The following MYO1H variants were observed in gnomAD, a reference collection of about 807,000 sequenced individuals.
MYO1H encodes myosin IH.
MYO1H carries 118 observed loss-of-function variants against 149.3 expected under a neutral mutation model. The ratio of observed to expected loss-of-function variants is 0.79; its 90% CI spans 0.68 to 0.92. The LOEUF is 0.92. Among genes scored for constraint, MYO1H ranks in the 40% least tolerant of loss-of-function variants. The pLI is 0.00. For synonymous variants in MYO1H, 447 were observed against 465.2 expected (o/e 0.96, Z 0.50); for missense variants, 1,212 against 1,280.7 (o/e 0.95, Z 0.82).
chr12:109,388,755 G>A, exon 2 of MYO1H: 1 of 1,612,972 alleles, frequency 6.2e-7, no homozygotes, highest in Non-Finnish European at 8.5e-7. Context: ...CAAGGTCGGG[G>A]TTCAGGATTT....
chr12:109,391,890 T>C (rs774454698), intron 2 of MYO1H, among the ~76,000 whole-genome samples: 7 of 152,230 alleles, frequency 4.6e-5, no homozygotes, highest in Non-Finnish European at 7.3e-5. Flanking sequence ...TTTATTTTCC[T>C]TTGCCCACTT....
At chr12:109,399,576 A>T (rs984854227) in intron 5 of MYO1H, among the ~76,000 whole-genome samples, 9 of 126,222 alleles carry the variant, frequency 7.1e-5, no homozygotes, top group Admixed American at 6.1e-4. Flanking sequence ...TGAGCAAGAG[A>T]GTGAGACTCT....
At chr12:109,438,313 C>G (rs1270580584) in intron 22 of MYO1H, among the ~76,000 whole-genome samples, 1 of 152,082 alleles carries the variant, frequency 6.6e-6, no homozygotes, top group Non-Finnish European at 1.5e-5. Context: ...TCCCTAGAAA[C>G]CTTCCATAGC....
At chr12:109,396,301 C>T (rs1869901318) in intron 3 of MYO1H, 83 bp from the exon 4 acceptor site, 4 of 1,166,432 alleles carry the variant, frequency 3.4e-6, no homozygotes, top group Non-Finnish European at 4.8e-6. Flanking sequence ...AGATGGAGCA[C>T]CTCATTTTTC....
intron 10 of MYO1H, among the ~76,000 whole-genome samples, chr12:109,408,375 A>G (rs1312205435): frequency 6.6e-6 from 1 of 151,988 alleles, no homozygotes; most frequent in Non-Finnish European, 1.5e-5. Flanking sequence ...AGGTCTTGCT[A>G]TGTTGTCCAG....
intron 23 of MYO1H, among the ~76,000 whole-genome samples, 152 bp downstream of exon 23, chr12:109,438,772 C>T (rs903037656): frequency 1.3e-5 from 2 of 152,106 alleles, no homozygotes; most frequent in Non-Finnish European, 2.9e-5. Context: ...CAGGTCCATC[C>T]CTTTGCTCTG....
At chr12:109,345,190 G>A (rs888950259), upstream of MYO1H, among the ~76,000 whole-genome samples, 1 of 152,134 alleles carries the variant, frequency 6.6e-6, no homozygotes, top group Non-Finnish European at 1.5e-5. Flanking sequence ...GAAAATATTT[G>A]CAAATCATAT....
At chr12:109,411,045 A>G (rs1013227004) in intron 13 of MYO1H, among the ~76,000 whole-genome samples, 5 of 152,140 alleles carry the variant, frequency 3.3e-5, no homozygotes, top group Non-Finnish European at 7.4e-5. Context: ...GGGAGGCTGA[A>G]ACAGGAGAAT....
chr12:109,349,497 C>CCAAAA (rs150233595), intron 1 of MYO1H, among the ~76,000 whole-genome samples: 2 of 144,428 alleles, frequency 1.4e-5, no homozygotes, highest in Non-Finnish European at 1.5e-5. Context: ...ACCCCCCCAC[C>CCAAAA]AAAAAAATTA....
At chr12:109,364,735 CT>C (rs900437060) in intron 1 of MYO1H, among the ~76,000 whole-genome samples, 35 of 152,246 alleles carry the variant, frequency 2.3e-4, no homozygotes, top group African/African-American at 8.2e-4. Flanking sequence ...AAATATTTCC[CT>C]AGTCAAAGTC....
chr12:109,406,131 T>C (rs1454584119), intron 8 of MYO1H, 96 bp downstream of exon 8: 5 of 792,280 alleles, frequency 6.3e-6, no homozygotes, highest in African/African-American at 1.7e-5. Flanking sequence ...AAATATCTGG[T>C]GCCGTGCTGT....
intron 8 of MYO1H, 68 bp from the exon 9 acceptor site, chr12:109,406,721 T>TA (rs1870411590): frequency 2.7e-6 from 4 of 1,488,856 alleles, no homozygotes; most frequent in East Asian, 2.3e-5. Context: ...ACCTTGTCTC[T>TA]AAAAAAATAA....
chr12:109,423,883 T>C (rs1433220265), intron 16 of MYO1H, among the ~76,000 whole-genome samples: 1 of 152,170 alleles, frequency 6.6e-6, no homozygotes, highest in African/African-American at 2.4e-5. Context: ...TTTTAAAAAA[T>C]TAAGGACTTT....
chr12:109,318,920 G>A, the MYO1H span, among the ~76,000 whole-genome samples: 1 of 150,068 alleles, frequency 6.7e-6, no homozygotes, highest in African/African-American at 2.5e-5. Context: ...GGGAGTGAGG[G>A]GAGGGGAAAT....
the MYO1H span, among the ~76,000 whole-genome samples, chr12:109,325,650 G>A: frequency 7.2e-5 from 11 of 152,280 alleles, no homozygotes; most frequent in South Asian, 1.9e-3. Context: ...GCAACCTACA[G>A]AATGGGAGAA....
chr12:109,444,003 A>G (rs1239783147), intron 28 of MYO1H, among the ~76,000 whole-genome samples: 1 of 152,024 alleles, frequency 6.6e-6, no homozygotes, highest in Admixed American at 6.5e-5. Context: ...GCACCACTTT[A>G]CTCAAGTACC....
chr12:109,428,806 T>C (rs77866602), intron 19 of MYO1H, among the ~76,000 whole-genome samples: 1,902 of 55,814 alleles, frequency 0.034, 48 homozygotes, highest in African/African-American at 0.1. Context: ...CTCACCCCCC[T>C]CCAAACATAT....
intron 19 of MYO1H, among the ~76,000 whole-genome samples, chr12:109,431,992 ATTTTTTT>A (rs554701536): frequency 2.2e-4 from 19 of 85,750 alleles, no homozygotes; most frequent in Non-Finnish European, 2.7e-4. Context: ...TAAAAAAAAA[ATTTTTTT>A]TTTTTTTTTT....
intron 1 of MYO1H, among the ~76,000 whole-genome samples, chr12:109,371,095 G>C (rs1457549618): frequency 6.6e-6 from 1 of 152,100 alleles, no homozygotes; most frequent in Non-Finnish European, 1.5e-5. Flanking sequence ...CAAAGCTTAA[G>C]CCTTCTTTTC....
Sources: allele counts gnomAD v4.1 joint callset (sites outside exome capture counted in the v4.1 genomes callset), GRCh38; gene constraint gnomAD v4.1.1; transcripts MANE v1.5; gene names NCBI Gene and HGNC (gene_info 2026-07-23, HGNC 2026-07-21).